The following CMBL variants were observed in gnomAD, a reference collection of about 807,000 sequenced individuals.
CMBL encodes the protein carboxymethylenebutenolidase homolog.
CMBL carries 17 observed loss-of-function variants against 28.7 expected under a neutral mutation model. That is an observed-to-expected ratio of 0.59 (90% CI 0.41 to 0.89). The LOEUF (loss-of-function observed/expected upper bound fraction) is 0.89. Among genes scored for constraint, CMBL ranks in the 40% least tolerant of loss-of-function variants. The probability of loss-of-function intolerance (pLI) is 0.00; values close to 1 mark genes in which losing one functional copy is unlikely to be tolerated. For synonymous variants in CMBL, 106 were observed against 101.6 expected, an observed-to-expected ratio of 1.04 and a Z score of -0.26; for missense variants, 310 against 298.5, an observed-to-expected ratio of 1.04 and a Z score of -0.28.
In CMBL at chr5:10,289,677, TG is replaced by T. The variant is rs539542845; in HGVS notation, c.215+870del. ...TATTTATTTACTTATTTATTTTTACTGGGCTTGCCCCTAGAAAGTTAAGTCC... is the reference window on the plus strand; with the variant it reads ...TATTTATTTACTTATTTATTTTTACTGGCTTGCCCCTAGAAAGTTAAGTCC... On this transcript the variant is annotated intron_variant, in intron 2 of 5. Transcript: ENST00000296658. This position sits in a 1 kb window ranked among gnomAD's most constrained non-coding sequence, Gnocchi z 4.3. Among the ~76,000 whole-genome samples the T allele has an allele frequency of 1.1e-4, 17 of 152,218 alleles. No individual in the cohort carries two copies. Among genetic ancestry groups the T allele is most frequent in the Non-Finnish European group, 1.9e-4 (13 of 68,040 alleles).
At position 10,283,116 on chromosome 5, in the gene CMBL, T is replaced by C. The variant is rs183665781; in HGVS notation, c.467-828A>G. On this transcript the variant is annotated intron_variant, in intron 4 of 5. Coordinates refer to ENST00000296658, the MANE Select transcript of CMBL (RefSeq NM_138809.4). ...AGAAAAAAAAAAAAAAAGAGGATTA[T>C]AAGAGTACAAGAGAAATTTATTTAG... is the stretch of plus-strand genomic sequence containing the variant. Among the ~76,000 whole-genome samples, 330 of 137,854 alleles carry C rather than the reference T, an allele frequency of 2.4e-3. 1 individual carries two copies. The highest frequency in any genetic ancestry group is 8.3e-3 in the African/African-American group (319 of 38,382). The allele number at this position is 137,854 out of a possible 152,430, so 90.4% of individuals were successfully genotyped here.
intron 1 of CMBL, among the ~76,000 whole-genome samples, chr5:10,299,605 A>G (rs1746859726): frequency 6.6e-6 from 1 of 152,004 alleles, no homozygotes; most frequent in Non-Finnish European, 1.5e-5. Context: ...TTGGGAGGCC[A>G]AGGCCGGGGG....
At chr5:10,291,719 T>C (rs1230157204) in intron 1 of CMBL, among the ~76,000 whole-genome samples, 3 of 151,810 alleles carry the variant, frequency 2.0e-5, no homozygotes, top group East Asian at 1.9e-4. Context: ...ATGTATACCA[T>C]GCTTGCAAAG....
rs115081846 is a variant in CMBL at position 10,280,327 on chromosome 5, G to T, written c.*126C>A. ...GTCCTACTGAATTTGTGTTTCAAATGAAATAATCAATTTTAGGATTCCTAC... is the reference window on the plus strand; with the variant it reads ...GTCCTACTGAATTTGTGTTTCAAATTAAATAATCAATTTTAGGATTCCTAC... On this transcript the variant is annotated 3_prime_UTR_variant, in exon 6 of 6. Transcript: ENST00000296658. 858 of 666,704 alleles carry T rather than the reference G, an allele frequency of 1.3e-3. 10 individuals carry two copies. The African/African-American group carries it at 0.014, about 11-fold the overall frequency. The allele number at this position is 666,704 out of a possible 1,614,324, so 41.3% of individuals were successfully genotyped here. A position where few individuals can be genotyped will look rare whatever the true frequency, so the allele number is the denominator to read the frequency against.
chr5:10,282,257 A>G lies in CMBL; in HGVS notation c.498T>C (p.Asn166=). The G allele has an allele frequency of 6.2e-7, 1 of 1,612,510 alleles. No individual in the cohort carries two copies. Among genetic ancestry groups the G allele is most frequent in the Non-Finnish European group, 8.5e-7 (1 of 1,178,458 alleles). The change falls in exon 5 of 6, where the codon AAT becomes AAC. Residue 166 remains asparagine (N), a synonymous_variant. Coordinates refer to ENST00000296658, the MANE Select transcript of CMBL (RefSeq NM_138809.4). The part of the protein sequence containing the change: ...GIVKDSEDIY[N]LKNPTLFIFA... ...AAATGAACAAAGTGGGGTTCTTTAA[A>G]TTGTAAATGTCTTCAGAATCCTTGA...
intron 1 of CMBL, among the ~76,000 whole-genome samples, chr5:10,294,678 A>G (rs964741616): frequency 4.6e-5 from 7 of 152,204 alleles, no homozygotes; most frequent in African/African-American, 1.7e-4. Flanking sequence ...CAAGAGATGA[A>G]GCAGCTCACA....
At chr5:10,284,669 G>T (rs1005591297) in intron 4 of CMBL, among the ~76,000 whole-genome samples, 11 of 152,228 alleles carry the variant, frequency 7.2e-5, no homozygotes, top group African/African-American at 2.7e-4. Context: ...GGTCGGCCAG[G>T]TGAGGCTATG....
chr5:10,291,345 G>C (rs1169843178), intron 1 of CMBL, among the ~76,000 whole-genome samples: 1 of 152,200 alleles, frequency 6.6e-6, no homozygotes, highest in Non-Finnish European at 1.5e-5. Context: ...TCTCCGTCTA[G>C]ATTCTGAGTG....
chr5:10,285,446 C>T (rs1451195097), intron 4 of CMBL, among the ~76,000 whole-genome samples: 2 of 152,114 alleles, frequency 1.3e-5, no homozygotes, highest in South Asian at 2.1e-4. Context: ...GGATTATAGG[C>T]GTGAGCCACC....
intron 4 of CMBL, 72 bp from the exon 5 acceptor site, chr5:10,282,360 C>A (rs1231668211): frequency 4.7e-6 from 4 of 858,754 alleles, no homozygotes; most frequent in Non-Finnish European, 5.9e-6. Flanking sequence ...ACCCATGCCG[C>A]ATGATCCCCA....
At chr5:10,296,047 T>C (rs1579475818) in intron 1 of CMBL, among the ~76,000 whole-genome samples, 2 of 152,204 alleles carry the variant, frequency 1.3e-5, no homozygotes, top group Admixed American at 6.5e-5. Flanking sequence ...TACAGTCCTG[T>C]TGGCCATGAG....
At chr5:10,286,633 T>A (rs1243772523) in intron 3 of CMBL, 137 bp from the exon 4 acceptor site, 3 of 672,378 alleles carry the variant, frequency 4.5e-6, no homozygotes, top group Non-Finnish European at 7.2e-6. Flanking sequence ...AGCTCCACCC[T>A]TACTACCTCT....
At chr5:10,302,197 T>C (rs140320691) in intron 1 of CMBL, among the ~76,000 whole-genome samples, 1 of 152,342 alleles carries the variant, frequency 6.6e-6, no homozygotes, top group African/African-American at 2.4e-5. Context: ...CTAACTGTAC[T>C]ATATTTTCTG....
chr5:10,303,469 C>T (rs571198239), intron 1 of CMBL, among the ~76,000 whole-genome samples: 1 of 152,314 alleles, frequency 6.6e-6, no homozygotes, highest in East Asian at 1.9e-4. Context: ...GTAAAACCAT[C>T]ACTCTTCAAC....
At chr5:10,300,493 T>C (rs1746880504) in intron 1 of CMBL, among the ~76,000 whole-genome samples, 1 of 152,180 alleles carries the variant, frequency 6.6e-6, no homozygotes, top group Non-Finnish European at 1.5e-5. Context: ...GCTGCACCTG[T>C]AATTTATCAA....
intron 1 of CMBL, among the ~76,000 whole-genome samples, chr5:10,297,194 AAAG>A (rs556857999): frequency 0.052 from 7,803 of 151,184 alleles, 249 homozygotes; most frequent in Admixed American, 0.089. Context: ...CAAAAAAAAA[AAAG>A]AGAGAGAGAG....
At position 10,278,965 on chromosome 5, in the gene CMBL, C is replaced by T. The variant is rs1244785573; in HGVS notation, c.*1488G>A. On this transcript the variant is annotated 3_prime_UTR_variant, in exon 6 of 6. Transcript: ENST00000296658. Reference sequence around the variant, plus strand: ...CCCACGACCACATCCCCAGGATCCCCGTCAGGGCAGGGCTAGAGTTTACAG... The same window carrying T: ...CCCACGACCACATCCCCAGGATCCCTGTCAGGGCAGGGCTAGAGTTTACAG... Among the ~76,000 whole-genome samples, 3 of 152,158 alleles carry T rather than the reference C, an allele frequency of 2.0e-5. No homozygotes were observed. The highest frequency in any genetic ancestry group is 2.9e-5 in the Non-Finnish European group (2 of 68,032).
chr5:10,280,815 C>T (rs1271089907), intron 5 of CMBL, among the ~76,000 whole-genome samples, 183 bp from the exon 6 acceptor site: 4 of 152,224 alleles, frequency 2.6e-5, no homozygotes, highest in Non-Finnish European at 5.9e-5. Context: ...ACTCTGTTGC[C>T]CAGGTTGGAG....
chr5:10,290,439 C>T (rs901900174), intron 2 of CMBL, 109 bp downstream of exon 2: 1 of 869,228 alleles, frequency 1.2e-6, no homozygotes, highest in Non-Finnish European at 1.8e-6. Context: ...TTCTAATGTA[C>T]AGTAGATACT....
Sources: allele counts gnomAD v4.1 joint callset (sites outside exome capture counted in the v4.1 genomes callset), GRCh38; gene constraint gnomAD v4.1.1; non-coding constraint Gnocchi (gnomAD v3.1); transcripts MANE v1.5; gene names NCBI Gene and HGNC (gene_info 2026-07-23, HGNC 2026-07-21).